Variants in IL1RAPL2 observed in about 807,000 individuals in gnomAD.
IL1RAPL2 encodes X-linked interleukin-1 receptor accessory protein-like 2.
In IL1RAPL2, 3 loss-of-function variants were observed where a neutral mutation model predicts 44.1. The ratio of observed to expected loss-of-function variants is 0.07; its 90% CI spans 0.03 to 0.18. IL1RAPL2 has a LOEUF of 0.18. Among genes scored for constraint, IL1RAPL2 ranks in the 10% least tolerant of loss-of-function variants. The probability of loss-of-function intolerance (pLI) is 1.00; values close to 1 mark genes in which losing one functional copy is unlikely to be tolerated. For missense variants in IL1RAPL2, 391 were observed against 496.4 expected (o/e 0.79, Z 2.02); for synonymous variants, 181 against 178.8 (o/e 1.01, Z -0.10).
intron 4 of IL1RAPL2, among the ~76,000 whole-genome samples, chrX:105,249,650 T>C (rs760440538): frequency 1.4e-4 from 16 of 110,478 alleles, no homozygotes; most frequent in Non-Finnish European, 2.7e-4. Flanking sequence ...AAAATACCAT[T>C]GAGGTACTAT....
chrX:104,921,410 C>T (rs1183225525), intron 2 of IL1RAPL2, among the ~76,000 whole-genome samples: 1 of 112,134 alleles, frequency 8.9e-6, no homozygotes, highest in Non-Finnish European at 1.9e-5. Context: ...TCTGCTAAAC[C>T]CTCCTAAGAC....
intron 7 of IL1RAPL2, among the ~76,000 whole-genome samples, chrX:105,729,616 G>A (rs2038383506): frequency 9.1e-6 from 1 of 109,870 alleles, no homozygotes; most frequent in African/African-American, 3.3e-5. Context: ...ATCTGTATAT[G>A]TTTTGCATAT....
chrX:105,199,645 C>CT (rs2033700204), intron 3 of IL1RAPL2, among the ~76,000 whole-genome samples: 2 of 111,612 alleles, frequency 1.8e-5, no homozygotes, highest in Middle Eastern at 4.3e-3. Flanking sequence ...TCAGATTGGC[C>CT]TTTTTTATGT....
Position 104,959,515 on chromosome X carries a change from CT to C in IL1RAPL2, c.83-235953del, listed in dbSNP as rs1417509709. ...ATTGAAAGAAATGAAAGTTGGAACACTTTTTTTAAAAATAGACTTTTTTTCT... is the reference window on the plus strand; with the variant it reads ...ATTGAAAGAAATGAAAGTTGGAACACTTTTTTAAAAATAGACTTTTTTTCT... On this transcript the variant is annotated intron_variant, in intron 2 of 10. Coordinates refer to ENST00000372582, the MANE Select transcript of IL1RAPL2 (RefSeq NM_017416.2). Among the ~76,000 whole-genome samples the C allele has an allele frequency of 6.3e-5, 7 of 111,789 alleles. No homozygotes were observed. In the East Asian group the frequency reaches 1.4e-3, roughly 22 times the overall value.
chrX:104,898,746 T>C (rs1368235734), intron 2 of IL1RAPL2, among the ~76,000 whole-genome samples: 1 of 112,577 alleles, frequency 8.9e-6, no homozygotes, highest in Non-Finnish European at 1.9e-5. Flanking sequence ...TTTTAATCTC[T>C]GAGCTGAACA....
At chrX:104,586,118 CTT>C (rs1928556358) in intron 1 of IL1RAPL2, among the ~76,000 whole-genome samples, 1 of 111,808 alleles carries the variant, frequency 8.9e-6, no homozygotes, top group Non-Finnish European at 1.9e-5. Context: ...TATTTTAAAA[CTT>C]TTTATTAATA....
At chrX:105,192,423 A>G (rs968830659) in intron 2 of IL1RAPL2, among the ~76,000 whole-genome samples, 25 of 111,706 alleles carry the variant, frequency 2.2e-4, no homozygotes, top group African/African-American at 7.5e-4. Context: ...ACCTCAGCCT[A>G]TACTTCTTAG....
chrX:104,685,347 T>A (rs2147542286), intron 2 of IL1RAPL2, among the ~76,000 whole-genome samples: 1 of 112,107 alleles, frequency 8.9e-6, no homozygotes, highest in South Asian at 3.8e-4. Flanking sequence ...AAGATATGCT[T>A]TTATCTATTT....
At chrX:105,640,726 CTA>C (rs2037561159) in intron 6 of IL1RAPL2, among the ~76,000 whole-genome samples, 1 of 58,539 alleles carries the variant, frequency 1.7e-5, no homozygotes, top group Admixed American at 2.2e-4. Context: ...ACACACATAT[CTA>C]TATATATAGA....
intron 2 of IL1RAPL2, among the ~76,000 whole-genome samples, chrX:105,076,965 A>G (rs763228298): frequency 5.4e-5 from 6 of 111,153 alleles, no homozygotes; most frequent in East Asian, 5.7e-4. Context: ...GTTCCTGAAT[A>G]CAGCACACTG....
chrX:104,691,197 G>A (rs1333520956), intron 2 of IL1RAPL2, among the ~76,000 whole-genome samples: 1 of 112,223 alleles, frequency 8.9e-6, no homozygotes, highest in South Asian at 3.7e-4. Flanking sequence ...GTTACCATGT[G>A]TATCACATTG....
At chrX:104,707,786 A>C (rs751931012) in intron 2 of IL1RAPL2, among the ~76,000 whole-genome samples, 2 of 111,860 alleles carry the variant, frequency 1.8e-5, no homozygotes, top group Non-Finnish European at 3.8e-5. Flanking sequence ...TTTCAAAGTA[A>C]ATATGTCATT....
At chrX:105,315,999 C>T (rs978216795) in intron 5 of IL1RAPL2, among the ~76,000 whole-genome samples, 2 of 110,886 alleles carry the variant, frequency 1.8e-5, no homozygotes, top group African/African-American at 3.3e-5. Context: ...ATAGGCCAGG[C>T]GCAGTGGCTC....
At chrX:105,422,064 A>C (rs748539963) in intron 5 of IL1RAPL2, among the ~76,000 whole-genome samples, 52 of 112,002 alleles carry the variant, frequency 4.6e-4, no homozygotes, top group Non-Finnish European at 8.1e-4. Context: ...TTATGGTAGG[A>C]CTGATTTGTT....
At chrX:104,805,257 A>C (rs893302524) in intron 2 of IL1RAPL2, among the ~76,000 whole-genome samples, 1 of 111,935 alleles carries the variant, frequency 8.9e-6, no homozygotes, top group Non-Finnish European at 1.9e-5. Context: ...AACGCTAAGC[A>C]TGTGGGAATT....
chrX:105,341,832 G>C lies in IL1RAPL2; in HGVS notation c.697+74291G>C, dbSNP rs190262971. On this transcript the variant is annotated intron_variant, in intron 5 of 10. Coordinates refer to ENST00000372582, the MANE Select transcript of IL1RAPL2 (RefSeq NM_017416.2). Reference sequence around the variant, plus strand: ...TGTAATCCCAGCTACTCCGGAGGCTGACCCAGGAGAATGGCATGAACCTGG... The same window carrying C: ...TGTAATCCCAGCTACTCCGGAGGCTCACCCAGGAGAATGGCATGAACCTGG... Among the ~76,000 whole-genome samples, 26 of 110,920 alleles carry C rather than the reference G, an allele frequency of 2.3e-4. No homozygotes were observed. In the South Asian group the frequency reaches 2.7e-3, roughly 12 times the overall value.
intron 2 of IL1RAPL2, among the ~76,000 whole-genome samples, chrX:104,860,717 T>C (rs2147647075): frequency 9.0e-6 from 1 of 111,368 alleles, no homozygotes; most frequent in Admixed American, 9.5e-5. Flanking sequence ...TTTTGGAATT[T>C]GGAGCATTTT....
intron 1 of IL1RAPL2, among the ~76,000 whole-genome samples, chrX:104,642,375 T>G (rs1205984200): frequency 8.9e-6 from 1 of 112,690 alleles, no homozygotes; most frequent in Non-Finnish European, 1.9e-5. Flanking sequence ...GGGTATGCCA[T>G]AATTTATTTA....
At chrX:105,267,278 T>G in intron 4 of IL1RAPL2, 110 bp from the exon 5 acceptor site, 3 of 687,440 alleles carry the variant, frequency 4.4e-6, no homozygotes, top group Non-Finnish European at 6.6e-6. Context: ...GTTACATATT[T>G]TGAAAACGAA....
Sources: allele counts gnomAD v4.1 joint callset (sites outside exome capture counted in the v4.1 genomes callset), GRCh38; gene constraint gnomAD v4.1.1; transcripts MANE v1.5; gene names NCBI Gene and HGNC (gene_info 2026-07-23, HGNC 2026-07-21).